Variants in KDM5A observed in about 807,000 individuals in gnomAD.
KDM5A encodes the protein lysine-specific demethylase 5A.
In KDM5A, 42 loss-of-function variants were observed where a neutral mutation model predicts 193.5. The observed-to-expected ratio is 0.22, with a 90% CI of 0.17 to 0.28. KDM5A has a LOEUF of 0.28. Among genes scored for constraint, KDM5A ranks in the 10% least tolerant of loss-of-function variants. KDM5A has a pLI of 1.00. For missense variants in KDM5A, 1,692 were observed against 2,055.1 expected (o/e 0.82, Z 3.42); for synonymous variants, 796 against 718.1 (o/e 1.11, Z -1.73).
At chr12:361,912 T>C (rs1377058544) in intron 5 of KDM5A, among the ~76,000 whole-genome samples, 1 of 152,158 alleles carries the variant, frequency 6.6e-6, no homozygotes, top group Non-Finnish European at 1.5e-5. Flanking sequence ...AGAAATGGCA[T>C]AACGGAGAGA....
At chr12:354,282 A>T in intron 7 of KDM5A, 48 bp from the exon 8 acceptor site, 1 of 1,364,328 alleles carries the variant, frequency 7.3e-7, no homozygotes. Context: ...AATAAATAAT[A>T]AATTTTTACC....
At chr12:375,964 G>T (rs1018350256) in intron 3 of KDM5A, among the ~76,000 whole-genome samples, 1 of 152,228 alleles carries the variant, frequency 6.6e-6, no homozygotes, top group Non-Finnish European at 1.5e-5. Flanking sequence ...GGGATACCCG[G>T]CCATGTGGGT....
At position 318,399 on chromosome 12, in the gene KDM5A, G is replaced by C; in HGVS notation, c.2604C>G (p.Thr868=). The change falls in exon 19 of 28, where the codon ACC becomes ACG. Residue 868 remains threonine (T), a synonymous_variant. Transcript: ENST00000399788. The part of the protein sequence containing the change: ...ERAQEAMMDE[T]PDSSKLQMLI... ...ACATCTGGAGTTTGGAAGAATCTGG[G>C]GTTTCATCCATCATGGCCTCCTGAG... 1.2e-6 allele frequency: 2 copies of C among 1,613,996 alleles called. No individual in the cohort carries two copies. The highest frequency in any genetic ancestry group is 8.5e-7 in the Non-Finnish European group (1 of 1,179,976).
chr12:362,995 G>A lies in KDM5A; in HGVS notation c.640C>T (p.Leu214=), dbSNP rs1944310788. 5 of 1,614,170 alleles carry A rather than the reference G, an allele frequency of 3.1e-6. No individual in the cohort carries two copies. The highest frequency in any genetic ancestry group is 4.2e-6 in the Non-Finnish European group (5 of 1,180,012). ...SPEPGTRMNI[L]PKRTRRVKTQ... The stretch of plus-strand genomic sequence containing the variant: ...TTCACACGTCTTGTTCTCTTCGGCA[G>A]AATGTTCATCCTTGTGCCTGGCTCT... Residue 214 remains leucine (L), a synonymous_variant, in exon 5 of 28, where the codon CTG becomes TTG. Coordinates refer to ENST00000399788, the MANE Select transcript of KDM5A (RefSeq NM_001042603.3).
chr12:352,845 GA>G (rs1208665575), intron 8 of KDM5A, among the ~76,000 whole-genome samples: 1 of 152,084 alleles, frequency 6.6e-6, no homozygotes, highest in Non-Finnish European at 1.5e-5. Context: ...TCAACCTGGA[GA>G]ATAGTAAATA....
At chr12:308,074 G>A (rs761804286) in intron 22 of KDM5A, 69 bp from the exon 23 acceptor site, 139 of 1,504,842 alleles carry the variant, frequency 9.2e-5, no homozygotes, top group South Asian at 5.6e-4. Context: ...AAATCCTCAA[G>A]GCTGTGGGAT....
intron 18 of KDM5A, among the ~76,000 whole-genome samples, chr12:320,453 G>A (rs1324058891): frequency 3.3e-5 from 5 of 151,880 alleles, no homozygotes; most frequent in Non-Finnish European, 7.4e-5. Context: ...CCGAGATCTC[G>A]CCACTGCACT....
intron 13 of KDM5A, 25 bp from the exon 14 acceptor site, chr12:329,054 A>G (rs1210599849): frequency 6.2e-7 from 1 of 1,602,560 alleles, no homozygotes; most frequent in Non-Finnish European, 8.5e-7. Flanking sequence ...TCCAAATTAA[A>G]TAACTCGCTT....
intron 1 of KDM5A, 107 bp from the exon 2 acceptor site, chr12:386,081 T>G: frequency 1.3e-6 from 1 of 773,478 alleles, no homozygotes; most frequent in Non-Finnish European, 2.3e-6. Flanking sequence ...GCTAATAGAC[T>G]AACTTACAAG....
intron 24 of KDM5A, among the ~76,000 whole-genome samples, chr12:301,821 C>CAA (rs144229407): frequency 0.3 from 44,956 of 152,002 alleles, 6,852 homozygotes; most frequent in East Asian, 0.51. Context: ...GCAACTTCAG[C>CAA]AGTCTCAGCA....
At chr12:314,151 G>A (rs1274159014) in intron 19 of KDM5A, among the ~76,000 whole-genome samples, 1 of 152,076 alleles carries the variant, frequency 6.6e-6, no homozygotes, top group Non-Finnish European at 1.5e-5. Flanking sequence ...CACTGTTCTA[G>A]GTCCTGGAAA....
intron 19 of KDM5A, 111 bp downstream of exon 19, chr12:317,995 A>C: frequency 1.2e-6 from 1 of 830,240 alleles, no homozygotes; most frequent in Admixed American, 2.1e-5. Flanking sequence ...TAAAATCCTA[A>C]ACGCAAAAAA....
intron 11 of KDM5A, 79 bp downstream of exon 11, chr12:334,138 AAATATACTTCTGTCTATAAACCTT>A: frequency 9.2e-7 from 1 of 1,082,068 alleles, no homozygotes; most frequent in Non-Finnish European, 1.4e-6. Context: ...TTGAAACCTT[AAATATACTTCTGTCTATAAACCTT>A]AAAGATCAAA....
At chr12:384,240 G>A in intron 2 of KDM5A, 87 bp from the exon 3 acceptor site, 1 of 968,658 alleles carries the variant, frequency 1.0e-6, no homozygotes, top group East Asian at 2.4e-5. Context: ...CCAGGATGTG[G>A]ACCAGTACCC....
Position 389,270 on chromosome 12 carries a change from C to G in KDM5A, c.-179G>C. 1 of 732,156 alleles carries G rather than the reference C, an allele frequency of 1.4e-6. No homozygotes were observed. Among genetic ancestry groups the G allele is most frequent in the Non-Finnish European group, 2.4e-6 (1 of 410,694 alleles). 45.4% of individuals were successfully genotyped at this position (732,156 alleles called of 1,614,324 possible). On this transcript the variant is annotated 5_prime_UTR_variant, in exon 1 of 28. Transcript: ENST00000399788. Reference sequence around the variant, plus strand: ...TCCTCCCGTTTGTTATTGTTTCTTGCAAGGCTTTTCCACTGAGGTTCAGGA... The same window carrying G: ...TCCTCCCGTTTGTTATTGTTTCTTGGAAGGCTTTTCCACTGAGGTTCAGGA...
intron 3 of KDM5A, among the ~76,000 whole-genome samples, chr12:378,062 C>T (rs566283512): frequency 1.3e-5 from 2 of 152,242 alleles, no homozygotes; most frequent in South Asian, 2.1e-4. Flanking sequence ...AGGATTTACA[C>T]CCATTCTCTT....
intron 27 of KDM5A, among the ~76,000 whole-genome samples, chr12:290,817 A>C (rs2137362002): frequency 6.6e-6 from 1 of 152,368 alleles, no homozygotes; most frequent in Admixed American, 6.5e-5. Flanking sequence ...GGGAGGGGAA[A>C]GATTAAGTGA....
chr12:323,210 C>CAAAAAAAAAAAAAAAAAAACAA lies in KDM5A; in HGVS notation c.2151-5_2151-4insTTGTTTTTTTTTTTTTTTTTTT. On this transcript the variant is annotated splice_region_variant and splice_polypyrimidine_tract_variant and intron_variant, in intron 15 of 27. Transcript: ENST00000399788. Reference sequence around the variant, plus strand: ...GTCTTCTAATGGGTAGCGATATCTACAAAAAAAAAAAAAAAAAAAAAAAAA... The same window carrying CAAAAAAAAAAAAAAAAAAACAA: ...GTCTTCTAATGGGTAGCGATATCTACAAAAAAAAAAAAAAAAAAACAAAAAAAAAAAAAAAAAAAAAAAAAAA... 1 of 294,574 alleles carries CAAAAAAAAAAAAAAAAAAACAA rather than the reference C, an allele frequency of 3.4e-6. No homozygotes were observed. The highest frequency in any genetic ancestry group is 4.8e-6 in the Non-Finnish European group (1 of 209,434). The allele number at this position is 294,574 out of a possible 1,614,324, so 18.2% of individuals were successfully genotyped here.
chr12:369,287 T>C (rs913746173), intron 3 of KDM5A, among the ~76,000 whole-genome samples: 1 of 152,204 alleles, frequency 6.6e-6, no homozygotes, highest in Admixed American at 6.5e-5. Context: ...CTGGATGGAT[T>C]AGAGTGCCTT....
Sources: allele counts gnomAD v4.1 joint callset (sites outside exome capture counted in the v4.1 genomes callset), GRCh38; gene constraint gnomAD v4.1.1; transcripts MANE v1.5; gene names NCBI Gene and HGNC (gene_info 2026-07-23, HGNC 2026-07-21).